STRBP: variants seen among roughly 807,000 people sequenced by gnomAD.
STRBP encodes spermatid perinuclear RNA binding protein.
A neutral mutation model predicts 80.1 loss-of-function variants in STRBP; 13 were observed. The ratio of observed to expected loss-of-function variants is 0.16; its 90% CI spans 0.11 to 0.26. The LOEUF (loss-of-function observed/expected upper bound fraction) is 0.26, where lower values mean the gene tolerates loss of function less well. Ranked by LOEUF, STRBP falls within the 10% of genes least tolerant of loss-of-function variation. The pLI, the probability that STRBP is intolerant of heterozygous loss-of-function variation, is 1.00. For missense variants in STRBP, 485 were observed against 815.2 expected, an observed-to-expected ratio of 0.59 and a Z score of 4.93; for synonymous variants, 284 against 291.2, an observed-to-expected ratio of 0.98 and a Z score of 0.25.
chr9:123,206,115 C>T (rs1437266605), intron 2 of STRBP, among the ~76,000 whole-genome samples: 2 of 152,178 alleles, frequency 1.3e-5, no homozygotes, highest in Non-Finnish European at 2.9e-5. Flanking sequence ...GCCTCAATTC[C>T]ATCGCTTATA....
chr9:123,163,411 C>T (rs959398883), intron 6 of STRBP, among the ~76,000 whole-genome samples: 5 of 152,162 alleles, frequency 3.3e-5, no homozygotes, highest in African/African-American at 1.2e-4. Flanking sequence ...CATTTGAAGA[C>T]AACACATTCT....
At chr9:123,146,007 T>C (rs1341213066) in intron 13 of STRBP, among the ~76,000 whole-genome samples, 1 of 151,984 alleles carries the variant, frequency 6.6e-6, no homozygotes, top group Non-Finnish European at 1.5e-5. Context: ...CTTTGTTTCA[T>C]TAACTGCTAT....
At chr9:123,157,364 G>C (rs2037333571) in intron 11 of STRBP, among the ~76,000 whole-genome samples, 1 of 152,302 alleles carries the variant, frequency 6.6e-6, no homozygotes, top group South Asian at 2.1e-4. Flanking sequence ...CAGGGGTTCT[G>C]AAAGTATAGT....
intron 1 of STRBP, among the ~76,000 whole-genome samples, chr9:123,264,373 A>G (rs2041224491): frequency 6.6e-6 from 1 of 152,246 alleles, no homozygotes; most frequent in Non-Finnish European, 1.5e-5. Flanking sequence ...AAGAATGAAC[A>G]AACTTCAATT....
chr9:123,194,975 T>C (rs2039044849), intron 2 of STRBP, among the ~76,000 whole-genome samples: 1 of 152,330 alleles, frequency 6.6e-6, no homozygotes, highest in Middle Eastern at 3.4e-3. Flanking sequence ...GGCAATGTTA[T>C]CTAGGTTTGA....
intron 2 of STRBP, among the ~76,000 whole-genome samples, chr9:123,229,037 G>T (rs191127659): frequency 6.6e-6 from 1 of 152,106 alleles, no homozygotes; most frequent in Non-Finnish European, 1.5e-5. Flanking sequence ...GTTATAATAC[G>T]CATGAACCTT....
chr9:123,224,025 G>T (rs1319627565), intron 2 of STRBP, among the ~76,000 whole-genome samples: 1 of 152,088 alleles, frequency 6.6e-6, no homozygotes, highest in Non-Finnish European at 1.5e-5. Context: ...TACACTGGCA[G>T]AATTACACTT....
At chr9:123,177,554 C>T (rs1484414687) in intron 4 of STRBP, among the ~76,000 whole-genome samples, 1 of 152,016 alleles carries the variant, frequency 6.6e-6, no homozygotes, top group African/African-American at 2.4e-5. Flanking sequence ...GCCTGGGCAA[C>T]AGAGCACCCT....
chr9:123,259,026 T>C (rs985321164), intron 1 of STRBP, among the ~76,000 whole-genome samples: 1 of 148,362 alleles, frequency 6.7e-6, no homozygotes, highest in Non-Finnish European at 1.5e-5. Flanking sequence ...ATCATTCTTG[T>C]TACTGTATTA....
intron 2 of STRBP, 30 bp downstream of exon 2, chr9:123,236,800 G>A (rs2040575992): frequency 6.6e-6 from 1 of 152,040 alleles, no homozygotes; most frequent in Non-Finnish European, 1.5e-5. Context: ...CTTTACGAAG[G>A]GAATACCATC....
In STRBP at chr9:123,123,162, A is replaced by T; in HGVS notation, c.*2435T>A. 1 of 985,410 alleles carries T rather than the reference A, an allele frequency of 1.0e-6. No individual in the cohort carries two copies. Among genetic ancestry groups the T allele is most frequent in the Non-Finnish European group, 1.2e-6 (1 of 829,944 alleles). The allele number at this position is 985,410 out of a possible 1,614,324, so 61.0% of individuals were successfully genotyped here. On this transcript the variant is annotated 3_prime_UTR_variant, in exon 19 of 19. Coordinates refer to ENST00000348403, the MANE Select transcript of STRBP (RefSeq NM_018387.5). ...ATCTTGAGGGCCCAAGTGAATAATA[A>T]ATGGTGCGACGCTCAGAGGCTGGCA... is the stretch of plus-strand genomic sequence containing the variant.
chr9:123,146,312 C>G (rs942946785), intron 13 of STRBP, among the ~76,000 whole-genome samples: 2 of 151,448 alleles, frequency 1.3e-5, no homozygotes, highest in African/African-American at 4.9e-5. Context: ...AGACAAAGCA[C>G]CATATACAAA....
chr9:123,189,943 A>G (rs2038859599), intron 2 of STRBP, among the ~76,000 whole-genome samples: 1 of 152,220 alleles, frequency 6.6e-6, no homozygotes, highest in South Asian at 2.1e-4. Flanking sequence ...ATTTGTATGT[A>G]TATGCTTGGT....
chr9:123,173,947 T>G, intron 4 of STRBP, 105 bp from the exon 5 acceptor site: 1 of 1,245,148 alleles, frequency 8.0e-7, no homozygotes, highest in Admixed American at 2.5e-5. Flanking sequence ...TAAGGGAGTA[T>G]GTAAATCCAG....
intron 1 of STRBP, among the ~76,000 whole-genome samples, chr9:123,246,740 G>A (rs1053682144): frequency 6.6e-6 from 1 of 152,112 alleles, no homozygotes; most frequent in African/African-American, 2.4e-5. Flanking sequence ...CTATTCAAAG[G>A]AAAATTGTAG....
At chr9:123,190,949 A>G (rs1167377109) in intron 2 of STRBP, among the ~76,000 whole-genome samples, 1 of 152,200 alleles carries the variant, frequency 6.6e-6, no homozygotes, top group Non-Finnish European at 1.5e-5. Context: ...AATTCAATGC[A>G]TTTCAACAAG....
intron 12 of STRBP, 79 bp from the exon 13 acceptor site, chr9:123,147,133 C>A: frequency 3.7e-6 from 5 of 1,338,682 alleles, no homozygotes; most frequent in Non-Finnish European, 5.2e-6. Flanking sequence ...TTCCTAGTAA[C>A]TACTGTAAAT....
At chr9:123,173,987 A>G (rs1487819164) in intron 4 of STRBP, 145 bp from the exon 5 acceptor site, 4 of 841,000 alleles carry the variant, frequency 4.8e-6, no homozygotes, top group Non-Finnish European at 5.3e-6. Context: ...ATTAAGCCTC[A>G]GATTTGAGGC....
At chr9:123,128,376 G>A (rs2035983855) in intron 17 of STRBP, 118 bp from the exon 18 acceptor site, 1 of 1,115,844 alleles carries the variant, frequency 9.0e-7, no homozygotes, top group East Asian at 2.4e-5. Flanking sequence ...CCAGATGTTG[G>A]ATGAATGAGA....
Sources: allele counts gnomAD v4.1 joint callset (sites outside exome capture counted in the v4.1 genomes callset), GRCh38; gene constraint gnomAD v4.1.1; transcripts MANE v1.5; gene names NCBI Gene and HGNC (gene_info 2026-07-23, HGNC 2026-07-21).